The following PIEZO2 variants were observed in gnomAD, a reference collection of about 807,000 sequenced individuals.
PIEZO2 encodes the protein piezo type mechanosensitive ion channel component 2.
PIEZO2 carries 172 observed loss-of-function variants against 337.3 expected under a neutral mutation model. That is an observed-to-expected ratio of 0.51 (90% CI 0.45 to 0.58). The LOEUF is 0.58. Among genes scored for constraint, PIEZO2 ranks in the 20% least tolerant of loss-of-function variants. The probability of loss-of-function intolerance (pLI) is 0.00; values close to 1 mark genes in which losing one functional copy is unlikely to be tolerated. For synonymous variants in PIEZO2, 1,251 were observed against 1,228.5 expected, an observed-to-expected ratio of 1.02 and a Z score of -0.38; for missense variants, 3,028 against 3,391.3, an observed-to-expected ratio of 0.89 and a Z score of 2.66.
At chr18:10,978,337 A>G (rs2034527129) in intron 3 of PIEZO2, among the ~76,000 whole-genome samples, 2 of 151,320 alleles carry the variant, frequency 1.3e-5, no homozygotes, top group South Asian at 4.2e-4. Flanking sequence ...CTCCATCTCA[A>G]AAAAAAAACA....
At chr18:10,758,604 C>A (rs529056288) in intron 26 of PIEZO2, among the ~76,000 whole-genome samples, 1 of 152,304 alleles carries the variant, frequency 6.6e-6, no homozygotes. Context: ...CGCCACCATG[C>A]CTGGCTAATT....
rs1189079755 is a variant in PIEZO2 at position 10,850,460 on chromosome 18, TG to T, written c.917+4892del. On this transcript the variant is annotated intron_variant, in intron 7 of 55. Transcript: ENST00000674853. This position sits in a 1 kb window ranked among gnomAD's most constrained non-coding sequence, Gnocchi z 4.5. ...AGCCCTGCAAAGGCTCTTTCACAGC[TG>T]CGAGAATGTGGGGTTGCAACTTGCT... 1.3e-5 allele frequency among the ~76,000 whole-genome samples: 2 copies of T among 152,350 alleles called. No homozygotes were observed. Among genetic ancestry groups the T allele is most frequent in the East Asian group, 3.9e-4 (2 of 5,180 alleles).
At chr18:10,720,326 TAATA>T (rs1392587459) in intron 36 of PIEZO2, among the ~76,000 whole-genome samples, 1 of 137,572 alleles carries the variant, frequency 7.3e-6, no homozygotes, top group Non-Finnish European at 1.5e-5. Context: ...TATATATATA[TAATA>T]TATATATCTC....
intron 1 of PIEZO2, among the ~76,000 whole-genome samples, chr18:11,118,711 A>G (rs1684352394): frequency 6.6e-6 from 1 of 152,158 alleles, no homozygotes; most frequent in East Asian, 1.9e-4. Context: ...TTTTAACTTA[A>G]TAAGTTGGTC....
intron 31 of PIEZO2, among the ~76,000 whole-genome samples, 181 bp from the exon 32 acceptor site, chr18:10,742,796 A>G (rs2144171260): frequency 9.4e-6 from 1 of 106,824 alleles, no homozygotes; most frequent in Admixed American, 8.8e-5. Flanking sequence ...TTATATACAT[A>G]TTTGTGTGTG....
chr18:10,918,312 A>C (rs1568197833), intron 3 of PIEZO2, among the ~76,000 whole-genome samples: 1 of 152,068 alleles, frequency 6.6e-6, no homozygotes, highest in East Asian at 1.9e-4. Flanking sequence ...ATTTAATGAC[A>C]CATTGTTTTT....
At chr18:10,693,387 T>A (rs1001590895) in intron 47 of PIEZO2, among the ~76,000 whole-genome samples, 1 of 151,436 alleles carries the variant, frequency 6.6e-6, no homozygotes, top group African/African-American at 2.4e-5. Flanking sequence ...TGTGTGTGTG[T>A]GATGGAGTCT....
Position 10,803,891 on chromosome 18 carries a change from G to A in PIEZO2, c.1184C>T (p.Pro395Leu), listed in dbSNP as rs1314317504. Residue 395 changes from proline to leucine, a missense_variant, in exon 9 of 56, where the codon CCC becomes CTC. Pro to Leu is a moderately conservative substitution (Grantham distance 98, BLOSUM62 -3). Transcript: ENST00000674853. ...ATGGCTTACTTTTCTCTCATCAGTG[G>A]GGTAATGGGTTGCGTACCACAGGCT... ...RRSLWYATHY[P>L]TDERKLLSMT... is the part of the protein sequence containing the mutation. 18 of 1,537,142 alleles carry A rather than the reference G, an allele frequency of 1.2e-5. No individual in the cohort carries two copies. The highest frequency in any genetic ancestry group is 2.7e-5 in the African/African-American group (2 of 73,046).
At position 10,770,876 on chromosome 18, in the gene PIEZO2, A is replaced by G. The variant is rs560453712; in HGVS notation, c.2786-568T>C. Reference sequence around the variant, plus strand: ...TCCTTGAGTAGCTGGGACTACAGGCACATACCACCATGCCCAGCTAATTTT... The same window carrying G: ...TCCTTGAGTAGCTGGGACTACAGGCGCATACCACCATGCCCAGCTAATTTT... On this transcript the variant is annotated intron_variant, in intron 20 of 55. Transcript: ENST00000674853. Among the ~76,000 whole-genome samples the G allele has an allele frequency of 3.8e-3, 585 of 152,042 alleles. 4 individuals carry two copies. The highest frequency in any genetic ancestry group is 0.014 in the African/African-American group (568 of 41,464).
chr18:11,067,875 C>T (rs1489158781), intron 1 of PIEZO2, among the ~76,000 whole-genome samples: 1 of 152,202 alleles, frequency 6.6e-6, no homozygotes, highest in Non-Finnish European at 1.5e-5. Context: ...CTAACAGACA[C>T]ATACAGAACA....
chr18:10,753,147 A>G (rs1029088119), intron 27 of PIEZO2, among the ~76,000 whole-genome samples: 1 of 152,212 alleles, frequency 6.6e-6, no homozygotes, highest in Non-Finnish European at 1.5e-5. Context: ...CTACCACTTG[A>G]GTATTCAAAA....
chr18:10,736,854 G>T, intron 33 of PIEZO2, 144 bp from the exon 34 acceptor site: 2 of 906,512 alleles, frequency 2.2e-6, no homozygotes, highest in Non-Finnish European at 3.3e-6. Context: ...AAACACACAA[G>T]ATGAAGAGAA....
At chr18:10,889,552 C>T (rs1000966904) in intron 4 of PIEZO2, among the ~76,000 whole-genome samples, 2 of 152,186 alleles carry the variant, frequency 1.3e-5, no homozygotes, top group African/African-American at 2.4e-5. Flanking sequence ...ACAGTAACCT[C>T]ATAGGTGCTG....
chr18:10,987,897 C>A (rs1028092614), intron 2 of PIEZO2, among the ~76,000 whole-genome samples: 1 of 151,968 alleles, frequency 6.6e-6, no homozygotes, highest in Admixed American at 6.6e-5. Context: ...AGATATTTCT[C>A]CAAAGAATAC....
Position 10,705,451 on chromosome 18 carries a change from C to T in PIEZO2, c.5884G>A (p.Ala1962Thr). 6.5e-7 allele frequency: 1 copy of T among 1,537,218 alleles called. No homozygotes were observed. The highest frequency in any genetic ancestry group is 8.7e-7 in the Non-Finnish European group (1 of 1,146,914). ...CTGACTGCCATACGGTTCTTGCCTGCAGAGTCGTCCTGCGAGCCGAAGGAC... is the reference window on the plus strand; with the variant it reads ...CTGACTGCCATACGGTTCTTGCCTGTAGAGTCGTCCTGCGAGCCGAAGGAC... ...HLSFGSQDDS[A>T]GKNRMAVSPD... Residue 1962 changes from alanine to threonine, a missense_variant, in exon 41 of 56, where the codon GCA becomes ACA. Ala to Thr is a moderately conservative substitution (Grantham distance 58). This residue lies in a region of PIEZO2 where 1,925 missense variants were observed against 2,051.9 expected (regional missense o/e 0.94). Transcript: ENST00000674853.
At chr18:10,803,114 A>G (rs1164188981) in intron 9 of PIEZO2, among the ~76,000 whole-genome samples, 1 of 152,190 alleles carries the variant, frequency 6.6e-6, no homozygotes, top group Non-Finnish European at 1.5e-5. Context: ...CTTTTCATAC[A>G]TACTCTGCTA....
chr18:10,672,720 G>A lies in PIEZO2; in HGVS notation c.8315C>T (p.Pro2772Leu). 2 of 1,614,020 alleles carry A rather than the reference G, an allele frequency of 1.2e-6. No homozygotes were observed. The change falls in exon 55 of 56, where the codon CCC (proline) becomes CTC (leucine). Residue 2772 changes from proline to leucine, a missense_variant. Pro to Leu is a moderately conservative substitution (Grantham distance 98, BLOSUM62 -3). This residue lies in a region of PIEZO2 where 332 missense variants were observed against 363.8 expected (regional missense o/e 0.91). Transcript: ENST00000674853. This position sits in a 1 kb window ranked among gnomAD's most constrained non-coding sequence, Gnocchi z 4.7. ...GCCAGCCAGGAACCCCAGACTTGGG[G>A]GACTGACTTTGTCATTGAAGACCAC... ...ELVVFNDKVSPPSLGFLAGYG... is the reference protein window; with the variant it reads ...ELVVFNDKVSLPSLGFLAGYG...
At chr18:10,849,735 T>C (rs376373407) in intron 7 of PIEZO2, among the ~76,000 whole-genome samples, 2 of 152,266 alleles carry the variant, frequency 1.3e-5, no homozygotes, top group South Asian at 4.1e-4. Context: ...GTGTTTGCTG[T>C]CTACTGAAAT....
At chr18:10,971,138 A>G (rs1193334016) in intron 3 of PIEZO2, among the ~76,000 whole-genome samples, 1 of 152,140 alleles carries the variant, frequency 6.6e-6, no homozygotes, top group African/African-American at 2.4e-5. Context: ...GGCAAACAGC[A>G]GAGGATAAGG....
Sources: gnomAD v4.1 joint callset for allele counts (sites outside exome capture counted in the v4.1 genomes callset) on GRCh38, gnomAD v4.1.1 for gene constraint, gnomAD v4.1.1 regional missense constraint, Gnocchi (gnomAD v3.1) non-coding constraint, MANE v1.5 for transcripts, NCBI Gene and HGNC (gene_info 2026-07-23, HGNC 2026-07-21) for gene names.